AFG2A: variants seen among roughly 807,000 people sequenced by gnomAD.
The protein encoded by AFG2A is AAA ATPase AFG2A.
the AFG2A span, among the ~76,000 whole-genome samples, chr4:123,089,765 T>C: frequency 1.2e-4 from 18 of 152,268 alleles, no homozygotes; most frequent in East Asian, 7.7e-4. Context: ...TTTTATTTTT[T>C]TTAGTAGAGA....
At chr4:123,222,050 T>G in the AFG2A span, among the ~76,000 whole-genome samples, 1 of 152,200 alleles carries the variant, frequency 6.6e-6, no homozygotes, top group Admixed American at 6.5e-5. Context: ...AGACTAGAGA[T>G]CTCATGGGTT....
At chr4:122,981,446 T>C in the AFG2A span, among the ~76,000 whole-genome samples, 1 of 144,994 alleles carries the variant, frequency 6.9e-6, no homozygotes, top group African/African-American at 2.5e-5. Flanking sequence ...TGAAATCAGA[T>C]AGTGTGATGC....
the AFG2A span, among the ~76,000 whole-genome samples, chr4:123,100,792 T>G: frequency 7.9e-5 from 12 of 151,908 alleles, no homozygotes; most frequent in African/African-American, 2.9e-4. Context: ...TGCAGTTAAT[T>G]TGATTTAAGT....
chr4:123,020,771 G>C, the AFG2A span, among the ~76,000 whole-genome samples: 2,079 of 152,068 alleles, frequency 0.014, 49 homozygotes, highest in African/African-American at 0.047. Context: ...TTGATGTTTA[G>C]CATTGAGGTT....
chr4:123,030,190 G>A, the AFG2A span, among the ~76,000 whole-genome samples: 2 of 151,990 alleles, frequency 1.3e-5, no homozygotes, highest in South Asian at 2.1e-4. Flanking sequence ...ACCTGTGAGC[G>A]AAGTCCTCAT....
At chr4:123,145,299 A>G in the AFG2A span, among the ~76,000 whole-genome samples, 1 of 152,098 alleles carries the variant, frequency 6.6e-6, no homozygotes, top group Non-Finnish European at 1.5e-5. Context: ...AACTGTGGAC[A>G]GATACATCAG....
At chr4:123,158,249 C>T in the AFG2A span, among the ~76,000 whole-genome samples, 1 of 152,178 alleles carries the variant, frequency 6.6e-6, no homozygotes, top group Non-Finnish European at 1.5e-5. Context: ...AGAAAATAAC[C>T]TGAATCTCAG....
the AFG2A span, among the ~76,000 whole-genome samples, chr4:123,038,592 AC>A: frequency 6.6e-6 from 1 of 152,040 alleles, no homozygotes; most frequent in Non-Finnish European, 1.5e-5. Flanking sequence ...AAAACTCGAG[AC>A]CAATGCAACA....
chr4:123,262,881 T>A, the AFG2A span, among the ~76,000 whole-genome samples: 1 of 152,180 alleles, frequency 6.6e-6, no homozygotes, highest in Admixed American at 6.5e-5. Context: ...TCACACTACC[T>A]GGGATTAAAT....
the AFG2A span, among the ~76,000 whole-genome samples, chr4:123,134,484 G>A: frequency 6.6e-6 from 1 of 152,000 alleles, no homozygotes; most frequent in East Asian, 1.9e-4. Flanking sequence ...TGCTAGGTAT[G>A]GCTTTGCAGT....
At chr4:123,156,505 T>C in the AFG2A span, among the ~76,000 whole-genome samples, 2,316 of 152,180 alleles carry the variant, frequency 0.015, 22 homozygotes, top group African/African-American at 0.025. Flanking sequence ...AAACATGAAA[T>C]TACAAATAAA....
the AFG2A span, among the ~76,000 whole-genome samples, chr4:123,267,259 T>G: frequency 6.6e-6 from 1 of 152,148 alleles, no homozygotes; most frequent in South Asian, 2.1e-4. Context: ...GAAAGAAAAG[T>G]AGAAAGAATT....
At chr4:123,161,796 A>G in the AFG2A span, among the ~76,000 whole-genome samples, 1 of 152,168 alleles carries the variant, frequency 6.6e-6, no homozygotes, top group Non-Finnish European at 1.5e-5. Context: ...AAGAAATATA[A>G]GACAAGAAGT....
At chr4:123,313,968 C>A in the AFG2A span, 1 of 1,613,134 alleles carries the variant, frequency 6.2e-7, no homozygotes. Flanking sequence ...AAAGACATTT[C>A]ACTCAGGCCT....
the AFG2A span, among the ~76,000 whole-genome samples, chr4:123,167,114 T>C: frequency 2.6e-5 from 4 of 151,156 alleles, no homozygotes; most frequent in Admixed American, 6.6e-5. Context: ...TAGGAACTCA[T>C]AATAAGATGA....
At chr4:123,160,335 C>T in the AFG2A span, among the ~76,000 whole-genome samples, 2 of 152,136 alleles carry the variant, frequency 1.3e-5, no homozygotes, top group Non-Finnish European at 2.9e-5. Flanking sequence ...TAAAGACACA[C>T]CTCTTCCTGA....
At chr4:122,952,348 A>G in the AFG2A span, among the ~76,000 whole-genome samples, 2 of 152,088 alleles carry the variant, frequency 1.3e-5, no homozygotes, top group African/African-American at 4.8e-5. Context: ...CTGTGACTTC[A>G]GCTGGTTCAA....
At chr4:122,986,772 AAG>A in the AFG2A span, among the ~76,000 whole-genome samples, 2 of 152,184 alleles carry the variant, frequency 1.3e-5, no homozygotes, top group African/African-American at 4.8e-5. Flanking sequence ...TAATTAAAAA[AAG>A]AGAAAATAAC....
chr4:123,127,583 T>G, the AFG2A span, among the ~76,000 whole-genome samples: 1 of 152,102 alleles, frequency 6.6e-6, no homozygotes, highest in Non-Finnish European at 1.5e-5. Context: ...AAGGAATTAA[T>G]TTTTTTAGAT....
Sources: allele counts gnomAD v4.1 joint callset (sites outside exome capture counted in the v4.1 genomes callset), GRCh38; gene constraint gnomAD v4.1.1; transcripts MANE v1.5; gene names NCBI Gene and HGNC (gene_info 2026-07-23, HGNC 2026-07-21).